Variants in CBX2 observed in about 807,000 individuals in gnomAD.
The protein encoded by CBX2 is chromobox 2.
A neutral mutation model predicts 21.0 loss-of-function variants in CBX2; 11 were observed. The observed-to-expected ratio is 0.52, with a 90% CI of 0.33 to 0.87. CBX2 has a LOEUF of 0.87. Among genes scored for constraint, CBX2 ranks in the 40% least tolerant of loss-of-function variants. The probability of loss-of-function intolerance (pLI) is 0.02; values close to 1 mark genes in which losing one functional copy is unlikely to be tolerated. For synonymous variants in CBX2, 364 were observed against 304.6 expected (o/e 1.19, Z -2.03); for missense variants, 746 against 724.3 (o/e 1.03, Z -0.34).
chr17:79,785,088 T>G lies in CBX2; in HGVS notation c.*46T>G. On this transcript the variant is annotated 3_prime_UTR_variant, in exon 5 of 5. Coordinates refer to ENST00000310942, the MANE Select transcript of CBX2 (RefSeq NM_005189.3). ...CGCGGTCTTACTCCCCTTCCCTGCCTATGGTGTCGCTTGGCTAAGTGACTC... is the reference window on the plus strand; with the variant it reads ...CGCGGTCTTACTCCCCTTCCCTGCCGATGGTGTCGCTTGGCTAAGTGACTC... 6.6e-7 allele frequency: 1 copy of G among 1,516,320 alleles called. No homozygotes were observed. The highest frequency in any genetic ancestry group is 9.0e-7 in the Non-Finnish European group (1 of 1,105,102). 93.9% of individuals were successfully genotyped at this position (1,516,320 alleles called of 1,614,324 possible).
intron 4 of CBX2, 103 bp from the exon 5 acceptor site, chr17:79,783,629 T>A: frequency 9.9e-7 from 1 of 1,008,294 alleles, no homozygotes; most frequent in South Asian, 1.4e-5. Context: ...AGGCTGGTCT[T>A]GAACTCCTGA....
chr17:79,779,248 G>C (rs542448423), intron 2 of CBX2, 114 bp from the exon 3 acceptor site: 252 of 944,958 alleles, frequency 2.7e-4, no homozygotes, highest in Non-Finnish European at 3.8e-4. Flanking sequence ...GTGCTACGGT[G>C]CCACTGCCAT....
Position 79,778,154 on chromosome 17 carries a change from T to G in CBX2, c.-82T>G, listed in dbSNP as rs1906867613. The G allele has an allele frequency of 1.3e-4, 91 of 721,630 alleles. No individual in the cohort carries two copies. The highest frequency in any genetic ancestry group is 5.7e-4 in the Middle Eastern group (1 of 1,768). 44.7% of individuals were successfully genotyped at this position (721,630 alleles called of 1,614,324 possible). A position where few individuals can be genotyped will look rare whatever the true frequency, so the allele number is the denominator to read the frequency against. On this transcript the variant is annotated 5_prime_UTR_variant, in exon 1 of 5. Coordinates refer to ENST00000310942, the MANE Select transcript of CBX2 (RefSeq NM_005189.3). This position sits in a 1 kb window ranked among gnomAD's most constrained non-coding sequence, Gnocchi z 4.8. ...GCCGGCGCCGGGCGGGGGCGGTGCT[T>G]TGTGTGCTGCCGGCGGGGCGCGCGG...
Position 79,778,328 on chromosome 17 carries a change from C to T in CBX2, c.72+21C>T. ...GCAAGGTGCGTGCGGCCCGCCGGGCCCCCCGCCCGCCGCCCGCTGTCCGTC... is the reference window on the plus strand; with the variant it reads ...GCAAGGTGCGTGCGGCCCGCCGGGCTCCCCGCCCGCCGCCCGCTGTCCGTC... On this transcript the variant is annotated intron_variant, in intron 1 of 4. Coordinates refer to ENST00000310942, the MANE Select transcript of CBX2 (RefSeq NM_005189.3). The surrounding 1 kb of genome is among the most constrained non-coding windows in gnomAD (Gnocchi z 4.8). The T allele has an allele frequency of 2.6e-6, 4 of 1,564,968 alleles. No homozygotes were observed. The highest frequency in any genetic ancestry group is 4.0e-4 in the Middle Eastern group (2 of 5,042).
At chr17:79,782,937 G>A (rs1285278127) in intron 4 of CBX2, among the ~76,000 whole-genome samples, 1 of 152,206 alleles carries the variant, frequency 6.6e-6, no homozygotes, top group African/African-American at 2.4e-5. Flanking sequence ...GAGGAAGACA[G>A]TGGTTTATTT....
chr17:79,778,413 C>A lies in CBX2; in HGVS notation c.102C>A (p.Arg34=), dbSNP rs782249643. Residue 34 remains arginine, a synonymous_variant, in exon 2 of 5, where the codon CGC becomes CGA. Coordinates refer to ENST00000310942, the MANE Select transcript of CBX2 (RefSeq NM_005189.3). The surrounding 1 kb of genome is among the most constrained non-coding windows in gnomAD (Gnocchi z 4.8). The part of the protein sequence containing the change: ...KGKLEYLVKW[R]GWSSKHNSWE... ...AGCTGGAGTACCTGGTCAAGTGGCG[C>A]GGCTGGTCCTCCAAGTGAGTCCCCC... 42 of 1,571,340 alleles carry A rather than the reference C, an allele frequency of 2.7e-5. No homozygotes were observed. In the Admixed American group the frequency reaches 3.3e-4, roughly 12 times the overall value.
In CBX2 at chr17:79,778,273, C is replaced by A. The variant is rs868945959; in HGVS notation, c.38C>A (p.Ala13Asp). 6 of 1,534,252 alleles carry A rather than the reference C, an allele frequency of 3.9e-6. No homozygotes were observed. Among genetic ancestry groups the A allele is most frequent in the Non-Finnish European group, 5.2e-6 (6 of 1,146,930 alleles). Residue 13 changes from alanine to aspartate, a missense_variant, in exon 1 of 5, where the codon GCC (alanine) becomes GAC (aspartate). By Grantham distance (126) the Ala-to-Asp change is moderately radical. This residue lies in a region of CBX2 where 45 missense variants were observed against 73.6 expected (regional missense o/e 0.61). Transcript: ENST00000310942. This position sits in a 1 kb window ranked among gnomAD's most constrained non-coding sequence, Gnocchi z 4.8. ...ELSSVGEQVF[A>D]AECILSKRLR... ...AGCAGCGTGGGCGAGCAGGTCTTCGCCGCCGAGTGCATCCTGAGCAAGCGG... is the reference window on the plus strand; with the variant it reads ...AGCAGCGTGGGCGAGCAGGTCTTCGACGCCGAGTGCATCCTGAGCAAGCGG...
At position 79,783,830 on chromosome 17, in the gene CBX2, T is replaced by C. The variant is rs918476747; in HGVS notation, c.387T>C (p.Asp129=). Residue 129 remains aspartate, a synonymous_variant, in exon 5 of 5, where the codon GAT becomes GAC. Transcript: ENST00000310942. ...SSDEEDDSDL[D]AKRGPRGRET... is the part of the protein sequence containing the mutation. The stretch of plus-strand genomic sequence containing the variant: ...ATGAAGAGGATGACAGTGACTTAGA[T>C]GCTAAGAGGGGTCCCCGGGGCCGCG... 8 of 1,609,392 alleles carry C rather than the reference T, an allele frequency of 5.0e-6. No individual in the cohort carries two copies. The highest frequency in any genetic ancestry group is 6.8e-6 in the Non-Finnish European group (8 of 1,177,820).
chr17:79,784,679 G>C lies in CBX2; in HGVS notation c.1236G>C (p.Glu412Asp). 6.2e-7 allele frequency: 1 copy of C among 1,612,364 alleles called. No individual in the cohort carries two copies. Among genetic ancestry groups the C allele is most frequent in the Non-Finnish European group, 8.5e-7 (1 of 1,179,822 alleles). ...ATMPTDTSKSEKLASRAVAPP... is the reference protein window; with the variant it reads ...ATMPTDTSKSDKLASRAVAPP... ...TGCCCACCGACACAAGCAAAAGTGAGAAGCTGGCTTCCAGAGCAGTGGCGC... is the reference window on the plus strand; with the variant it reads ...TGCCCACCGACACAAGCAAAAGTGACAAGCTGGCTTCCAGAGCAGTGGCGC... Residue 412 changes from glutamate to aspartate, a missense_variant, in exon 5 of 5, where the codon GAG becomes GAC. By Grantham distance (45) the Glu-to-Asp change is conservative. Coordinates refer to ENST00000310942, the MANE Select transcript of CBX2 (RefSeq NM_005189.3). The surrounding 1 kb of genome is among the most constrained non-coding windows in gnomAD (Gnocchi z 5.9).
chr17:79,777,850 G>T (rs1432957680), upstream of CBX2, among the ~76,000 whole-genome samples: 1 of 151,082 alleles, frequency 6.6e-6, no homozygotes, highest in Non-Finnish European at 1.5e-5. Flanking sequence ...GAATCACGCG[G>T]GACTCGGTGG....
At position 79,779,365 on chromosome 17, in the gene CBX2, T is replaced by C; in HGVS notation, c.120T>C (p.His40=). ...LVKWRGWSSK[H]NSWEPEENIL... Reference sequence around the variant, plus strand: ...TGCCCTGTCCTCTGCTTTGCAGACATAACAGCTGGGAGCCGGAGGAGAACA... The same window carrying C: ...TGCCCTGTCCTCTGCTTTGCAGACACAACAGCTGGGAGCCGGAGGAGAACA... The change falls in exon 3 of 5, where the codon CAT becomes CAC. Residue 40 remains histidine (H), a synonymous_variant. Transcript: ENST00000310942. 6.2e-7 allele frequency: 1 copy of C among 1,613,692 alleles called. No homozygotes were observed. Among genetic ancestry groups the C allele is most frequent in the Non-Finnish European group, 8.5e-7 (1 of 1,179,936 alleles).
rs1182849924 is a variant in CBX2 at position 79,785,977 on chromosome 17, CCA to C, written c.*936_*937del. On this transcript the variant is annotated 3_prime_UTR_variant, in exon 5 of 5. Transcript: ENST00000310942. ...GAAGCATGTTCCATTTCTAAAAAGC[CCA>C]GAGTTCAGTGTGTCCCAAGGAAAAC... 6.6e-6 allele frequency: 1 copy of C among 152,598 alleles called. No individual in the cohort carries two copies. Among genetic ancestry groups the C allele is most frequent in the African/African-American group, 2.4e-5 (1 of 41,474 alleles). The allele number at this position is 152,598 out of a possible 1,614,324, so 9.5% of individuals were successfully genotyped here. A position where few individuals can be genotyped will look rare whatever the true frequency, so the allele number is the denominator to read the frequency against.
At chr17:79,782,130 A>G (rs782727115) in intron 4 of CBX2, 3 of 1,613,074 alleles carry the variant, frequency 1.9e-6, no homozygotes, top group Admixed American at 3.3e-5. Flanking sequence ...GGAAAGGAAC[A>G]GGAAGCATGC....
At chr17:79,781,479 C>G (rs1443245636) in intron 3 of CBX2, among the ~76,000 whole-genome samples, 1 of 152,194 alleles carries the variant, frequency 6.6e-6, no homozygotes, top group Non-Finnish European at 1.5e-5. Flanking sequence ...CTGTCTTCAG[C>G]TTGTCCTTAG....
intron 4 of CBX2, among the ~76,000 whole-genome samples, chr17:79,782,700 G>A (rs1312647280): frequency 1.3e-5 from 2 of 152,196 alleles, no homozygotes; most frequent in Non-Finnish European, 2.9e-5. Context: ...GGGGGCTGCA[G>A]GAGTTCTGCT....
At chr17:79,782,993 C>T (rs1555830770) in intron 4 of CBX2, among the ~76,000 whole-genome samples, 1 of 152,144 alleles carries the variant, frequency 6.6e-6, no homozygotes, top group Non-Finnish European at 1.5e-5. Context: ...GATACTGAAG[C>T]CCACTTGGTG....
At chr17:79,781,840 G>C (rs1555830359) in intron 4 of CBX2, 39 bp downstream of exon 4, 1 of 1,614,010 alleles carries the variant, frequency 6.2e-7, no homozygotes, top group Non-Finnish European at 8.5e-7. Context: ...CCACCTCCCA[G>C]CACCCCCTTG....
rs1393989205 is a variant in CBX2, at chr17:79,778,995, T to C, written c.117-367T>C. Among the ~76,000 whole-genome samples the C allele has an allele frequency of 6.6e-6, 1 of 152,140 alleles. No individual in the cohort carries two copies. Among genetic ancestry groups the C allele is most frequent in the African/African-American group, 2.4e-5 (1 of 41,442 alleles). On this transcript the variant is annotated intron_variant, in intron 2 of 4. Coordinates refer to ENST00000310942, the MANE Select transcript of CBX2 (RefSeq NM_005189.3). The surrounding 1 kb of genome is among the most constrained non-coding windows in gnomAD (Gnocchi z 4.8). The stretch of plus-strand genomic sequence containing the variant: ...GGCGCCTGTGCCCCTCCCTGCATGC[T>C]GGACCTGCCTTCCCTTCCTCCTCTG...
At chr17:79,783,668 C>T in intron 4 of CBX2, 64 bp from the exon 5 acceptor site, 3 of 1,450,568 alleles carry the variant, frequency 2.1e-6, no homozygotes, top group Non-Finnish European at 2.8e-6. Context: ...CTTCGGCCTC[C>T]CAAAGTGCTG....
Sources: gnomAD v4.1 joint callset for allele counts (sites outside exome capture counted in the v4.1 genomes callset) on GRCh38, gnomAD v4.1.1 for gene constraint, gnomAD v4.1.1 regional missense constraint, Gnocchi (gnomAD v3.1) non-coding constraint, MANE v1.5 for transcripts, NCBI Gene and HGNC (gene_info 2026-07-23, HGNC 2026-07-21) for gene names.